SCN8A: variants seen among roughly 807,000 people sequenced by gnomAD.
SCN8A encodes the protein sodium voltage-gated channel alpha subunit 8.
SCN8A carries 30 observed loss-of-function variants against 184.1 expected under a neutral mutation model. That is an observed-to-expected ratio of 0.16 (90% CI 0.12 to 0.22). SCN8A has a LOEUF of 0.22. Among genes scored for constraint, SCN8A ranks in the 10% least tolerant of loss-of-function variants. The pLI, the probability that SCN8A is intolerant of heterozygous loss-of-function variation, is 1.00. For synonymous variants in SCN8A, 852 were observed against 907.0 expected (o/e 0.94, Z 1.09); for missense variants, 1,057 against 2,498.9 (o/e 0.42, Z 12.30).
chr12:51,752,132 A>G (rs1942605202), intron 14 of SCN8A, among the ~76,000 whole-genome samples: 1 of 152,142 alleles, frequency 6.6e-6, no homozygotes, highest in African/African-American at 2.4e-5. Context: ...CCATTAAAGT[A>G]TGTAGTTTTA....
chr12:51,672,861 A>C (rs1413067863), intron 2 of SCN8A, among the ~76,000 whole-genome samples: 2 of 152,178 alleles, frequency 1.3e-5, no homozygotes, highest in East Asian at 3.9e-4. Context: ...ACAAGTATGA[A>C]ACAGTTGTGG....
At chr12:51,638,714 T>A (rs1940374539) in intron 1 of SCN8A, among the ~76,000 whole-genome samples, 1 of 152,030 alleles carries the variant, frequency 6.6e-6, no homozygotes, top group South Asian at 2.1e-4. Context: ...CTCGATCTCT[T>A]GACTTCATGA....
At chr12:51,732,474 T>G (rs1246764988) in intron 12 of SCN8A, among the ~76,000 whole-genome samples, 1 of 152,222 alleles carries the variant, frequency 6.6e-6, no homozygotes, top group African/African-American at 2.4e-5. Context: ...TTACTATAGC[T>G]CCGTTGTATA....
intron 1 of SCN8A, among the ~76,000 whole-genome samples, chr12:51,598,226 A>C (rs960346500): frequency 3.9e-5 from 6 of 152,230 alleles, no homozygotes; most frequent in Non-Finnish European, 8.8e-5. Flanking sequence ...TGAATGACAG[A>C]GTGAAAATGG....
chr12:51,634,656 A>ATTATT (rs1555210870), intron 1 of SCN8A, among the ~76,000 whole-genome samples: 390 of 136,602 alleles, frequency 2.9e-3, no homozygotes, highest in African/African-American at 5.4e-3. Context: ...TATTATTATT[A>ATTATT]TTTTTTTTTT....
chr12:51,602,477 G>A (rs1031719643), intron 1 of SCN8A, among the ~76,000 whole-genome samples: 2 of 152,162 alleles, frequency 1.3e-5, no homozygotes, highest in Admixed American at 6.5e-5. Flanking sequence ...TACTGGTTAA[G>A]GAGTACAGAG....
At chr12:51,695,634 TC>T (rs936239921) in intron 6 of SCN8A, among the ~76,000 whole-genome samples, 1 of 152,096 alleles carries the variant, frequency 6.6e-6, no homozygotes, top group African/African-American at 2.4e-5. Context: ...TTTGTCTCCA[TC>T]TCTCTTCTCT....
At chr12:51,675,911 A>G (rs945201517) in intron 2 of SCN8A, among the ~76,000 whole-genome samples, 3 of 152,204 alleles carry the variant, frequency 2.0e-5, no homozygotes, top group African/African-American at 7.2e-5. Flanking sequence ...TATATTAAGT[A>G]TCTTAGTAGG....
At chr12:51,626,084 A>G (rs931082346) in intron 1 of SCN8A, among the ~76,000 whole-genome samples, 13 of 152,240 alleles carry the variant, frequency 8.5e-5, no homozygotes, top group Non-Finnish European at 1.8e-4. Flanking sequence ...GCGAGGGGAA[A>G]GCATGGTCCA....
intron 1 of SCN8A, among the ~76,000 whole-genome samples, chr12:51,645,049 G>A (rs1178590229): frequency 6.6e-6 from 1 of 150,590 alleles, no homozygotes; most frequent in Admixed American, 6.6e-5. Context: ...CCCCCCACCC[G>A]GCCAGCCGCC....
chr12:51,614,563 T>C (rs1939791324), intron 1 of SCN8A, among the ~76,000 whole-genome samples: 1 of 152,136 alleles, frequency 6.6e-6, no homozygotes, highest in Admixed American at 6.5e-5. Flanking sequence ...TAGCATCTTA[T>C]ATAACAGTGA....
At chr12:51,611,345 G>C (rs963592496) in intron 1 of SCN8A, among the ~76,000 whole-genome samples, 1 of 152,000 alleles carries the variant, frequency 6.6e-6, no homozygotes, top group Admixed American at 6.6e-5. Flanking sequence ...TGTATTTTTA[G>C]TAGAGATGGG....
intron 26 of SCN8A, among the ~76,000 whole-genome samples, chr12:51,797,044 C>T (rs1204404525): frequency 6.6e-6 from 1 of 152,192 alleles, no homozygotes; most frequent in African/African-American, 2.4e-5. Context: ...AGCCTAATCT[C>T]TGGTAACACC....
intron 14 of SCN8A, among the ~76,000 whole-genome samples, chr12:51,753,457 TTAAG>T: frequency 6.6e-6 from 1 of 152,324 alleles, no homozygotes; most frequent in Non-Finnish European, 1.5e-5. Context: ...TTTGGACATA[TTAAG>T]TGTCTATTCA....
chr12:51,793,244 C>A (rs995627751), intron 25 of SCN8A, among the ~76,000 whole-genome samples: 1 of 152,070 alleles, frequency 6.6e-6, no homozygotes, highest in Non-Finnish European at 1.5e-5. Flanking sequence ...GAGGAAGAAT[C>A]AACAGGCCCT....
chr12:51,656,828 A>T (rs1343011508), intron 1 of SCN8A, among the ~76,000 whole-genome samples: 2 of 152,166 alleles, frequency 1.3e-5, no homozygotes, highest in Non-Finnish European at 2.9e-5. Flanking sequence ...GCAATTAAAA[A>T]AAAAAGGTAA....
intron 26 of SCN8A, among the ~76,000 whole-genome samples, chr12:51,798,266 G>A (rs1297135315): frequency 6.6e-6 from 1 of 152,218 alleles, no homozygotes; most frequent in Non-Finnish European, 1.5e-5. Flanking sequence ...TGTAAAGTGA[G>A]TGCCTTGGTC....
Position 51,761,868 on chromosome 12 carries a change from G to A in SCN8A, c.2371-635G>A, listed in dbSNP as rs561167854. Among the ~76,000 whole-genome samples, 286 of 151,334 alleles carry A rather than the reference G, an allele frequency of 1.9e-3. 2 individuals carry two copies. The highest frequency in any genetic ancestry group is 6.6e-3 in the African/African-American group (271 of 41,222). On this transcript the variant is annotated intron_variant, in intron 14 of 26. Coordinates refer to ENST00000627620, the MANE Select transcript of SCN8A (RefSeq NM_001330260.2). ...AACATGGATAGACTTAATGATAAGT[G>A]AAAAATCAGACCCAAGATATTATGT... is the stretch of plus-strand genomic sequence containing the variant.
chr12:51,650,479 C>G (rs909386983), intron 1 of SCN8A, among the ~76,000 whole-genome samples: 1 of 150,542 alleles, frequency 6.6e-6, no homozygotes, highest in African/African-American at 2.4e-5. Flanking sequence ...GGAGGCCTCA[C>G]GATCATGGCG....
Sources: gnomAD v4.1 joint callset for allele counts (sites outside exome capture counted in the v4.1 genomes callset) on GRCh38, gnomAD v4.1.1 for gene constraint, MANE v1.5 for transcripts, NCBI Gene and HGNC (gene_info 2026-07-23, HGNC 2026-07-21) for gene names.